Variants in BCAR3 observed in about 807,000 individuals in gnomAD.
BCAR3 encodes breast cancer anti-estrogen resistance protein 3.
Under a neutral mutation model 80.1 loss-of-function variants are expected in BCAR3, and 37 were observed. That is an observed-to-expected ratio of 0.46 (90% CI 0.36 to 0.61). BCAR3 has a LOEUF of 0.61. BCAR3 is among the 20% of genes least tolerant of loss of function. The pLI is 0.00. For synonymous variants in BCAR3, 389 were observed against 418.9 expected (o/e 0.93, Z 0.87); for missense variants, 978 against 1,068.2 (o/e 0.92, Z 1.18).
At chr1:93,736,267 A>C (rs1650967146) in intron 2 of BCAR3, among the ~76,000 whole-genome samples, 1 of 152,198 alleles carries the variant, frequency 6.6e-6, no homozygotes, top group Non-Finnish European at 1.5e-5. Flanking sequence ...GGCTTACTGC[A>C]ACCTCCACCT....
At chr1:93,584,388 G>A (rs901594119) in intron 5 of BCAR3, among the ~76,000 whole-genome samples, 4 of 152,192 alleles carry the variant, frequency 2.6e-5, no homozygotes, top group African/African-American at 9.7e-5. Flanking sequence ...CCTCTGGGCT[G>A]TTCCATCCTG....
intron 2 of BCAR3, among the ~76,000 whole-genome samples, chr1:93,732,348 C>T (rs1293250467): frequency 6.6e-6 from 1 of 152,192 alleles, no homozygotes; most frequent in African/African-American, 2.4e-5. Context: ...GGTGCAGTGG[C>T]TCATGCCTGT....
chr1:93,739,024 T>C (rs1327084504), intron 2 of BCAR3, among the ~76,000 whole-genome samples: 1 of 152,154 alleles, frequency 6.6e-6, no homozygotes, highest in Admixed American at 6.5e-5. Context: ...TGGCACTGCC[T>C]CTAATCTCCT....
intron 3 of BCAR3, among the ~76,000 whole-genome samples, chr1:93,625,667 T>G (rs891503434): frequency 2.0e-5 from 3 of 152,238 alleles, no homozygotes; most frequent in Non-Finnish European, 4.4e-5. Context: ...ACTGAGGTCA[T>G]TCAAGAAACA....
chr1:93,830,391 C>CTTTTG (rs1654517853), intron 2 of BCAR3, among the ~76,000 whole-genome samples: 1 of 152,170 alleles, frequency 6.6e-6, no homozygotes, highest in Non-Finnish European at 1.5e-5. Flanking sequence ...CCTGAAGTAA[C>CTTTTG]TGAAGAATCA....
intron 3 of BCAR3, among the ~76,000 whole-genome samples, chr1:93,595,165 G>C (rs1674372017): frequency 6.6e-6 from 1 of 152,208 alleles, no homozygotes; most frequent in Non-Finnish European, 1.5e-5. Context: ...TAGAGAGAGA[G>C]AAATGAAGAT....
At chr1:93,567,590 G>C in intron 10 of BCAR3, 99 bp from the exon 11 acceptor site, 3 of 1,450,178 alleles carry the variant, frequency 2.1e-6, no homozygotes, top group Middle Eastern at 1.8e-4. Context: ...AGCAACTGCA[G>C]CCTTCTACAA....
intron 2 of BCAR3, among the ~76,000 whole-genome samples, chr1:93,719,057 C>A (rs1650291560): frequency 6.6e-6 from 1 of 152,034 alleles, no homozygotes. Context: ...CTCACATGGC[C>A]ACTTGCCTCC....
At chr1:93,597,429 G>T (rs1271829244) in intron 3 of BCAR3, among the ~76,000 whole-genome samples, 1 of 152,184 alleles carries the variant, frequency 6.6e-6, no homozygotes, top group Non-Finnish European at 1.5e-5. Context: ...TAATAGCCCT[G>T]ATATCAAAAA....
intron 2 of BCAR3, among the ~76,000 whole-genome samples, chr1:93,778,062 C>T (rs887085350): frequency 6.6e-6 from 1 of 152,168 alleles, no homozygotes; most frequent in African/African-American, 2.4e-5. Context: ...GTTGACATGA[C>T]CCCAGGGATC....
At chr1:93,607,009 G>C (rs1674789516) in intron 3 of BCAR3, among the ~76,000 whole-genome samples, 1 of 152,166 alleles carries the variant, frequency 6.6e-6, no homozygotes, top group South Asian at 2.1e-4. Context: ...AATGGAAAGG[G>C]AGGGAGTAAA....
At position 93,567,804 on chromosome 1, in the gene BCAR3, G is replaced by A. The variant is rs1193387247; in HGVS notation, c.2022C>T (p.Thr674=). The change falls in exon 10 of 12, where the codon ACC becomes ACT. Residue 674 remains threonine, a synonymous_variant. Coordinates refer to ENST00000260502, the MANE Select transcript of BCAR3 (RefSeq NM_003567.4). ...KTWTALRHQY[T]QTAILYEKQL... ...GTTTCTCATAGAGAATGGCAGTTTG[G>A]GTGTACTGGTGCCGCAGAGCAGTCC... 6.2e-7 allele frequency: 1 copy of A among 1,614,180 alleles called. No individual in the cohort carries two copies. The highest frequency in any genetic ancestry group is 2.2e-5 in the East Asian group (1 of 44,892).
At chr1:93,744,134 C>T (rs1037702768) in intron 2 of BCAR3, among the ~76,000 whole-genome samples, 4 of 152,192 alleles carry the variant, frequency 2.6e-5, no homozygotes, top group Non-Finnish European at 5.9e-5. Flanking sequence ...AGCAATGGCC[C>T]TGTTAGGTAA....
chr1:93,799,657 T>A (rs2747049), intron 2 of BCAR3, among the ~76,000 whole-genome samples: 91,724 of 152,086 alleles, frequency 0.6, 28,926 homozygotes, highest in East Asian at 0.78. Flanking sequence ...ACAGGGTGTG[T>A]TTTTTACAAT....
chr1:93,571,862 G>T (rs766797660), intron 8 of BCAR3, 21 bp from the exon 9 acceptor site: 1 of 1,607,038 alleles, frequency 6.2e-7, no homozygotes. Flanking sequence ...GGAGATCAGC[G>T]GTCAGGTTCA....
chr1:93,770,454 GGC>G (rs1426319080), intron 2 of BCAR3, among the ~76,000 whole-genome samples: 1 of 152,078 alleles, frequency 6.6e-6, no homozygotes, highest in Non-Finnish European at 1.5e-5. Flanking sequence ...GCCTTCAGTG[GGC>G]TTGGGGTTCC....
chr1:93,566,910 T>C (rs1333555617), intron 11 of BCAR3, among the ~76,000 whole-genome samples: 2 of 152,158 alleles, frequency 1.3e-5, no homozygotes, highest in Non-Finnish European at 2.9e-5. Context: ...GTATTTCTAT[T>C]AGAGACAGGG....
chr1:93,812,314 G>A (rs888608823), intron 2 of BCAR3, among the ~76,000 whole-genome samples: 2 of 151,998 alleles, frequency 1.3e-5, no homozygotes, highest in Non-Finnish European at 2.9e-5. Flanking sequence ...GGGACCTCCT[G>A]TCTAGTTTTC....
At chr1:93,680,079 C>T (rs1365431706) in intron 1 of BCAR3, among the ~76,000 whole-genome samples, 1 of 152,138 alleles carries the variant, frequency 6.6e-6, no homozygotes, top group Non-Finnish European at 1.5e-5. Context: ...TGAAGTTTTG[C>T]TTGGGTTTAG....
Sources: allele counts gnomAD v4.1 joint callset (sites outside exome capture counted in the v4.1 genomes callset), GRCh38; gene constraint gnomAD v4.1.1; transcripts MANE v1.5; gene names NCBI Gene and HGNC (gene_info 2026-07-23, HGNC 2026-07-21).